GLT1D1: variants seen among roughly 807,000 people sequenced by gnomAD.
GLT1D1 encodes the protein glycosyltransferase 1 domain containing 1, also known as glycosyltransferase 1 domain-containing protein 1.
GLT1D1 carries 21 observed loss-of-function variants against 28.7 expected under a neutral mutation model. The ratio of observed to expected loss-of-function variants is 0.73; its 90% CI spans 0.52 to 1.05. The LOEUF is 1.05. GLT1D1 is among the 50% of genes least tolerant of loss of function. The pLI is 0.00. For synonymous variants in GLT1D1, 147 were observed against 124.8 expected, an observed-to-expected ratio of 1.18 and a Z score of -1.19; for missense variants, 343 against 330.6, an observed-to-expected ratio of 1.04 and a Z score of -0.29.
intron 4 of GLT1D1, among the ~76,000 whole-genome samples, chr12:128,942,677 C>T (rs1875428263): frequency 6.6e-6 from 1 of 151,838 alleles, no homozygotes; most frequent in Non-Finnish European, 1.5e-5. Context: ...CCACACAGCA[C>T]ATCAGCAGCC....
intron 1 of GLT1D1, among the ~76,000 whole-genome samples, chr12:128,866,494 C>G (rs1377417944): frequency 6.6e-6 from 1 of 151,636 alleles, no homozygotes; most frequent in East Asian, 1.9e-4. Flanking sequence ...CTGCCCCCCA[C>G]CAAGCCCCCC....
intron 7 of GLT1D1, among the ~76,000 whole-genome samples, chr12:128,978,885 C>T (rs933107025): frequency 6.6e-6 from 1 of 152,178 alleles, no homozygotes; most frequent in African/African-American, 2.4e-5. Flanking sequence ...TGTAAACTGT[C>T]ATGGGGCTGG....
intron 3 of GLT1D1, among the ~76,000 whole-genome samples, chr12:128,892,601 G>C (rs1272629128): frequency 6.6e-6 from 1 of 152,136 alleles, no homozygotes; most frequent in African/African-American, 2.4e-5. Context: ...AGGTTAGTGG[G>C]CAGGAAAGCT....
At chr12:128,870,389 C>T (rs377434956) in intron 1 of GLT1D1, among the ~76,000 whole-genome samples, 4 of 152,148 alleles carry the variant, frequency 2.6e-5, no homozygotes, top group South Asian at 4.1e-4. Context: ...TTGAGTCAGG[C>T]GCGCACACAT....
At chr12:128,938,357 T>C (rs1039673090) in intron 4 of GLT1D1, among the ~76,000 whole-genome samples, 7 of 152,260 alleles carry the variant, frequency 4.6e-5, no homozygotes, top group Non-Finnish European at 1.0e-4. Context: ...AATTTTTCTC[T>C]TGAAATAGAT....
intron 4 of GLT1D1, among the ~76,000 whole-genome samples, chr12:128,903,836 T>C (rs1870561725): frequency 6.6e-6 from 1 of 151,962 alleles, no homozygotes; most frequent in South Asian, 2.1e-4. Flanking sequence ...GTTCAAGCTA[T>C]TCTCCTGCCT....
chr12:128,879,441 T>TCTTTCTTTCTTTC (rs1956973384), intron 2 of GLT1D1, among the ~76,000 whole-genome samples: 2 of 121,716 alleles, frequency 1.6e-5, no homozygotes, highest in African/African-American at 6.3e-5. Flanking sequence ...TTTCTTTCTT[T>TCTTTCTTTCTTTC]CTTTCTTTCT....
At chr12:128,923,073 C>T (rs544302586) in intron 4 of GLT1D1, among the ~76,000 whole-genome samples, 2 of 152,204 alleles carry the variant, frequency 1.3e-5, no homozygotes, top group Admixed American at 6.5e-5. Context: ...TCGATCTTAA[C>T]ATTTCAGTAA....
chr12:128,983,096 C>T lies in GLT1D1; in HGVS notation c.*6C>T, dbSNP rs1360164558. On this transcript the variant is annotated 3_prime_UTR_variant, in exon 8 of 8. Transcript: ENST00000281703. The surrounding 1 kb of genome is among the most constrained non-coding windows in gnomAD (Gnocchi z 4.7). ...AAGGAAGCACTGAAGATTGAGGGCC[C>T]CGCCTCATCAGACACCTGCTCTCTG... 1.2e-6 allele frequency: 2 copies of T among 1,612,824 alleles called. No homozygotes were observed. The highest frequency in any genetic ancestry group is 1.3e-5 in the African/African-American group (1 of 74,896).
At chr12:128,916,048 C>A (rs1872079983) in intron 4 of GLT1D1, among the ~76,000 whole-genome samples, 1 of 150,950 alleles carries the variant, frequency 6.6e-6, no homozygotes, top group African/African-American at 2.4e-5. Context: ...TAGGCGATTC[C>A]TAGTCTAATT....
chr12:128,878,200 A>G (rs1223091135), intron 2 of GLT1D1, among the ~76,000 whole-genome samples: 1 of 152,138 alleles, frequency 6.6e-6, no homozygotes, highest in Non-Finnish European at 1.5e-5. Context: ...ATGTATTTAT[A>G]TGTACCTCCT....
chr12:128,911,527 T>C (rs908206432), intron 4 of GLT1D1, among the ~76,000 whole-genome samples: 1 of 152,176 alleles, frequency 6.6e-6, no homozygotes, highest in East Asian at 1.9e-4. Flanking sequence ...CTTAATGCAT[T>C]GATCAGGCTT....
At chr12:128,865,615 G>A (rs1317348427) in intron 1 of GLT1D1, among the ~76,000 whole-genome samples, 2 of 152,180 alleles carry the variant, frequency 1.3e-5, no homozygotes, top group Non-Finnish European at 2.9e-5. Flanking sequence ...CTGAGGTCAG[G>A]AGTTTGAGAT....
At chr12:128,894,195 C>T (rs756940932) in intron 3 of GLT1D1, among the ~76,000 whole-genome samples, 17 of 152,042 alleles carry the variant, frequency 1.1e-4, no homozygotes, top group Admixed American at 5.9e-4. Context: ...GGAAGTCCAG[C>T]GTGAGATCCT....
rs1363347238 is a variant in GLT1D1 at position 128,853,724 on chromosome 12, G to C, written c.68+75G>C. 7.0e-5 allele frequency: 66 copies of C among 938,740 alleles called. 1 individual carries two copies. Among genetic ancestry groups the C allele is most frequent in the Non-Finnish European group, 1.3e-6 (1 of 773,314 alleles). The allele number at this position is 938,740 out of a possible 1,614,324, so 58.2% of individuals were successfully genotyped here. On this transcript the variant is annotated intron_variant, in intron 1 of 7. Coordinates refer to ENST00000281703, the MANE Select transcript of GLT1D1 (RefSeq NM_144669.3). ...GCGGGGACGCGGGACCCGGGGACGC[G>C]GGGCGCTCAGCCAGGCCCCCTCCAG...
intron 1 of GLT1D1, among the ~76,000 whole-genome samples, chr12:128,872,697 T>G (rs1315694271): frequency 2.0e-5 from 3 of 152,118 alleles, no homozygotes; most frequent in African/African-American, 7.2e-5. Flanking sequence ...CTTTGCAGGT[T>G]TTAATCAGAA....
At chr12:128,955,733 C>T (rs151198907) in intron 6 of GLT1D1, among the ~76,000 whole-genome samples, 104 of 152,086 alleles carry the variant, frequency 6.8e-4, no homozygotes, top group African/African-American at 2.2e-3. Flanking sequence ...TGGGACTCCA[C>T]GCAGGTGATG....
intron 1 of GLT1D1, among the ~76,000 whole-genome samples, chr12:128,866,970 A>G (rs1956546231): frequency 6.6e-6 from 1 of 151,840 alleles, no homozygotes; most frequent in African/African-American, 2.4e-5. Flanking sequence ...CCCTTCTCAA[A>G]TGGCAGCCCC....
intron 4 of GLT1D1, among the ~76,000 whole-genome samples, chr12:128,930,986 T>C (rs1873801225): frequency 6.6e-6 from 1 of 151,944 alleles, no homozygotes; most frequent in African/African-American, 2.4e-5. Context: ...GAAATACGTC[T>C]CTTCTACCAC....
Sources: allele counts gnomAD v4.1 joint callset (sites outside exome capture counted in the v4.1 genomes callset), GRCh38; gene constraint gnomAD v4.1.1; non-coding constraint Gnocchi (gnomAD v3.1); transcripts MANE v1.5; gene names NCBI Gene and HGNC (gene_info 2026-07-23, HGNC 2026-07-21).